Variants in PDZRN3 observed in about 807,000 individuals in gnomAD.
The protein encoded by PDZRN3 is E3 ubiquitin-protein ligase PDZRN3.
In PDZRN3, 38 loss-of-function variants were observed where a neutral mutation model predicts 85.7. The observed-to-expected ratio is 0.44, with a 90% CI of 0.34 to 0.58. The LOEUF is 0.58. Among genes scored for constraint, PDZRN3 ranks in the 20% least tolerant of loss-of-function variants. The pLI is 0.01. For missense variants in PDZRN3, 1,629 were observed against 1,506.4 expected (o/e 1.08, Z -1.35); for synonymous variants, 759 against 638.0 (o/e 1.19, Z -2.86).
In PDZRN3 at chr3:73,385,721, A is replaced by G; in HGVS notation, c.1583T>C (p.Leu528Pro). The change falls in exon 9 of 10, where the codon CTG becomes CCG. Residue 528 changes from leucine to proline, a missense_variant. Leu to Pro is a moderately conservative substitution (Grantham distance 98). Transcript: ENST00000263666. ...CATGGCCTGGTGGTGCTGCTCCTCCAGCATGTCCATGTGCAGGTCATCCAG... is the reference window on the plus strand; with the variant it reads ...CATGGCCTGGTGGTGCTGCTCCTCCGGCATGTCCATGTGCAGGTCATCCAG... Reference protein sequence around the residue: ...DFLDDLHMDMLEEQHHQAMQF... With the variant: ...DFLDDLHMDMPEEQHHQAMQF... 6.2e-7 allele frequency: 1 copy of G among 1,613,986 alleles called. No individual in the cohort carries two copies. The highest frequency in any genetic ancestry group is 8.5e-7 in the Non-Finnish European group (1 of 1,179,892).
intron 3 of PDZRN3, among the ~76,000 whole-genome samples, chr3:73,470,941 T>A (rs1203752033): frequency 6.6e-6 from 1 of 152,208 alleles, no homozygotes; most frequent in East Asian, 1.9e-4. Flanking sequence ...AAATAATTGA[T>A]TCCATTTTGC....
chr3:73,500,726 T>G (rs1488534595), intron 3 of PDZRN3, among the ~76,000 whole-genome samples: 2 of 152,180 alleles, frequency 1.3e-5, no homozygotes, highest in Non-Finnish European at 2.9e-5. Flanking sequence ...GTCACCCCTT[T>G]AAACCACCTA....
chr3:73,405,873 G>C (rs979878763), intron 3 of PDZRN3, among the ~76,000 whole-genome samples: 3 of 152,164 alleles, frequency 2.0e-5, no homozygotes, highest in Admixed American at 6.5e-5. Flanking sequence ...AGTATTGGTT[G>C]TAAAGCTGTT....
chr3:73,501,205 A>T (rs1243492979), intron 3 of PDZRN3, among the ~76,000 whole-genome samples: 1 of 152,218 alleles, frequency 6.6e-6, no homozygotes, highest in African/African-American at 2.4e-5. Context: ...GGCTCTTAAC[A>T]GCAGAACCAG....
At chr3:73,555,656 A>G (rs1038305837) in intron 3 of PDZRN3, among the ~76,000 whole-genome samples, 5 of 152,174 alleles carry the variant, frequency 3.3e-5, no homozygotes, top group Admixed American at 6.5e-5. Flanking sequence ...GGGAGGTAAC[A>G]CTGACAGAAA....
At chr3:73,400,244 A>G (rs553825621) in intron 5 of PDZRN3, among the ~76,000 whole-genome samples, 304 of 152,334 alleles carry the variant, frequency 2.0e-3, no homozygotes, top group Middle Eastern at 0.014. Flanking sequence ...AAATATAAAT[A>G]TATTATACAA....
At chr3:73,574,073 T>C (rs1326303480) in intron 3 of PDZRN3, among the ~76,000 whole-genome samples, 2 of 152,220 alleles carry the variant, frequency 1.3e-5, no homozygotes, top group Non-Finnish European at 2.9e-5. Context: ...AGGCCTGACA[T>C]TAAAAGGGCA....
chr3:73,606,615 A>G (rs1371813391), intron 2 of PDZRN3, among the ~76,000 whole-genome samples: 2 of 152,220 alleles, frequency 1.3e-5, no homozygotes, highest in Admixed American at 1.3e-4. Context: ...GAGCGAATGC[A>G]AGAAATACAA....
At position 73,384,699 on chromosome 3, in the gene PDZRN3, C is replaced by T. The variant is rs972237087; in HGVS notation, c.1867G>A (p.Glu623Lys). Residue 623 changes from glutamate to lysine, a missense_variant, in exon 10 of 10, where the codon GAG becomes AAG. Physicochemically the swap from Glu to Lys is moderately conservative, Grantham distance 56 (BLOSUM62 1). Coordinates refer to ENST00000263666, the MANE Select transcript of PDZRN3 (RefSeq NM_015009.3). ...GTGCAGTCGGCCGAAATGAAAGACT[C>T]GTTGCTGAAGGGCAGGTCGCCGCTG... ...LGSGDLPFSN[E>K]SFISADCTDA... 1 of 1,614,058 alleles carries T rather than the reference C, an allele frequency of 6.2e-7. No homozygotes were observed.
At chr3:73,545,876 G>A (rs1026808883) in intron 3 of PDZRN3, among the ~76,000 whole-genome samples, 60 of 152,286 alleles carry the variant, frequency 3.9e-4, no homozygotes, top group African/African-American at 1.3e-3. Context: ...ATTGCGGGGA[G>A]GAGGGGTTGG....
chr3:73,620,858 G>A (rs1463336090), intron 1 of PDZRN3, among the ~76,000 whole-genome samples: 2 of 151,810 alleles, frequency 1.3e-5, no homozygotes, highest in African/African-American at 2.4e-5. Context: ...TTACAGGCGT[G>A]AGCCACTGAG....
At chr3:73,505,458 C>T (rs1338317454) in intron 3 of PDZRN3, among the ~76,000 whole-genome samples, 1 of 152,078 alleles carries the variant, frequency 6.6e-6, no homozygotes, top group Non-Finnish European at 1.5e-5. Flanking sequence ...CTCTCCCAAA[C>T]AAAAATTGCA....
chr3:73,615,934 T>C (rs1351247930), intron 1 of PDZRN3, among the ~76,000 whole-genome samples: 1 of 152,156 alleles, frequency 6.6e-6, no homozygotes, highest in Non-Finnish European at 1.5e-5. Flanking sequence ...GATATCTAAT[T>C]CCAACATTGG....
chr3:73,618,036 G>C (rs1290691027), intron 1 of PDZRN3, among the ~76,000 whole-genome samples: 1 of 152,080 alleles, frequency 6.6e-6, no homozygotes, highest in African/African-American at 2.4e-5. Flanking sequence ...GATCTGTTTT[G>C]TTTTGTACTC....
intron 3 of PDZRN3, among the ~76,000 whole-genome samples, chr3:73,506,291 T>A (rs1306526295): frequency 6.6e-6 from 1 of 152,168 alleles, no homozygotes; most frequent in African/African-American, 2.4e-5. Flanking sequence ...TCTGATCATA[T>A]AATTAATGAT....
At chr3:73,508,821 C>G (rs1704113425) in intron 3 of PDZRN3, among the ~76,000 whole-genome samples, 1 of 152,118 alleles carries the variant, frequency 6.6e-6, no homozygotes, top group Non-Finnish European at 1.5e-5. Flanking sequence ...TTTTCTCTCC[C>G]CTGTCCACTT....
chr3:73,569,388 G>A, intron 3 of PDZRN3: 1 of 1,196,268 alleles, frequency 8.4e-7, no homozygotes, highest in Non-Finnish European at 1.1e-6. Flanking sequence ...CCACATGTGT[G>A]CCGCATACCT....
chr3:73,471,155 G>A (rs1232514155), intron 3 of PDZRN3, among the ~76,000 whole-genome samples: 1 of 152,048 alleles, frequency 6.6e-6, no homozygotes, highest in Non-Finnish European at 1.5e-5. Flanking sequence ...CATAAAAAGG[G>A]GATATTTTGA....
chr3:73,539,468 A>G (rs925221961), intron 3 of PDZRN3, among the ~76,000 whole-genome samples: 4 of 152,150 alleles, frequency 2.6e-5, no homozygotes, highest in African/African-American at 9.7e-5. Flanking sequence ...TTGCACTAAT[A>G]GAACACAGAA....
Sources: allele counts gnomAD v4.1 joint callset (sites outside exome capture counted in the v4.1 genomes callset), GRCh38; gene constraint gnomAD v4.1.1; transcripts MANE v1.5; gene names NCBI Gene and HGNC (gene_info 2026-07-23, HGNC 2026-07-21).